IGF2BP2: variants seen among roughly 807,000 people sequenced by gnomAD.
IGF2BP2 encodes insulin-like growth factor 2 mRNA-binding protein 2.
A neutral mutation model predicts 75.8 loss-of-function variants in IGF2BP2; 17 were observed. The observed-to-expected ratio is 0.22, with a 90% CI of 0.15 to 0.34. The LOEUF (loss-of-function observed/expected upper bound fraction) is 0.34. IGF2BP2 is among the 10% of genes least tolerant of loss of function. IGF2BP2 has a pLI of 1.00. For missense variants in IGF2BP2, 516 were observed against 772.4 expected (o/e 0.67, Z 3.93); for synonymous variants, 288 against 295.6 (o/e 0.97, Z 0.26).
At chr3:185,789,539 T>G (rs1736348535) in intron 2 of IGF2BP2, among the ~76,000 whole-genome samples, 1 of 151,796 alleles carries the variant, frequency 6.6e-6, no homozygotes, top group Non-Finnish European at 1.5e-5. Context: ...AACGCAACAC[T>G]AAGAGATAAA....
chr3:185,701,839 G>GA (rs1319711187), intron 2 of IGF2BP2, among the ~76,000 whole-genome samples: 2 of 152,118 alleles, frequency 1.3e-5, no homozygotes, highest in Non-Finnish European at 2.9e-5. Context: ...GGTCATTTGG[G>GA]AGACTATCCT....
chr3:185,770,499 C>T (rs1733734580), intron 2 of IGF2BP2, among the ~76,000 whole-genome samples: 1 of 152,184 alleles, frequency 6.6e-6, no homozygotes, highest in Admixed American at 6.5e-5. Flanking sequence ...ACCCCATAGG[C>T]CTTTATTCCA....
At chr3:185,791,133 G>C (rs1193428545) in intron 2 of IGF2BP2, among the ~76,000 whole-genome samples, 2 of 152,204 alleles carry the variant, frequency 1.3e-5, no homozygotes, top group Non-Finnish European at 2.9e-5. Context: ...CTGTCTAAAG[G>C]GTAGGCACTG....
intron 10 of IGF2BP2, among the ~76,000 whole-genome samples, chr3:185,664,517 G>A: frequency 6.6e-6 from 1 of 152,128 alleles, no homozygotes; most frequent in East Asian, 1.9e-4. Context: ...GAGGGAGAAG[G>A]GAGAGCTTTT....
intron 2 of IGF2BP2, among the ~76,000 whole-genome samples, chr3:185,724,059 A>G (rs1463973288): frequency 6.6e-6 from 1 of 152,244 alleles, no homozygotes; most frequent in East Asian, 1.9e-4. Flanking sequence ...ATGCGGTCAC[A>G]GCAAACACAT....
At chr3:185,814,750 CTA>C (rs1468071584) in intron 2 of IGF2BP2, among the ~76,000 whole-genome samples, 1 of 151,992 alleles carries the variant, frequency 6.6e-6, no homozygotes, top group African/African-American at 2.4e-5. Context: ...ATCTTAAGTC[CTA>C]TGTTACTAAA....
chr3:185,821,123 C>A, intron 2 of IGF2BP2: 1 of 1,505,816 alleles, frequency 6.6e-7, no homozygotes, highest in South Asian at 1.3e-5. Flanking sequence ...GCTATCTCTC[C>A]CTTAGCCTGC....
At chr3:185,677,068 T>TATATAGAGAGAG in intron 7 of IGF2BP2, among the ~76,000 whole-genome samples, 17 of 35,856 alleles carry the variant, frequency 4.7e-4, no homozygotes, top group East Asian at 1.4e-3. Context: ...TATATATATA[T>TATATAGAGAGAG]AGAGAGAGAG....
At chr3:185,681,504 A>C (rs1720382629) in intron 7 of IGF2BP2, among the ~76,000 whole-genome samples, 1 of 152,346 alleles carries the variant, frequency 6.6e-6, no homozygotes, top group Middle Eastern at 3.4e-3. Context: ...AGATGTTTAT[A>C]CTACCGAAAG....
At chr3:185,655,020 C>T (rs1413704954) in intron 12 of IGF2BP2, among the ~76,000 whole-genome samples, 4 of 152,214 alleles carry the variant, frequency 2.6e-5, no homozygotes, top group Non-Finnish European at 5.9e-5. Flanking sequence ...AAAGTAGAAA[C>T]TAGGGGTGGG....
Position 185,692,872 on chromosome 3 carries a change from G to A in IGF2BP2, c.341-110C>T, listed in dbSNP as rs150379516. On this transcript the variant is annotated intron_variant, in intron 4 of 15. Coordinates refer to ENST00000382199, the MANE Select transcript of IGF2BP2 (RefSeq NM_006548.6). ...AAATGCATAAAACCCTCATCACACTGGCTCCACAGTTATCTGCATCTCTAC... is the reference window on the plus strand; with the variant it reads ...AAATGCATAAAACCCTCATCACACTAGCTCCACAGTTATCTGCATCTCTAC... The A allele has an allele frequency of 3.9e-3, 3,295 of 852,362 alleles. 11 individuals are homozygous for A. The highest frequency in any genetic ancestry group is 5.6e-3 in the Non-Finnish European group (2,823 of 507,226). The allele number at this position is 852,362 out of a possible 1,614,324, so 52.8% of individuals were successfully genotyped here.
chr3:185,787,135 G>A (rs1412445235), intron 2 of IGF2BP2, among the ~76,000 whole-genome samples: 1 of 152,104 alleles, frequency 6.6e-6, no homozygotes, highest in Non-Finnish European at 1.5e-5. Flanking sequence ...GCTGGAAGGG[G>A]GGCAATGGCG....
At chr3:185,709,589 AAAG>A (rs560596550) in intron 2 of IGF2BP2, among the ~76,000 whole-genome samples, 93 of 152,368 alleles carry the variant, frequency 6.1e-4, no homozygotes, top group African/African-American at 2.2e-3. Flanking sequence ...TTACTTCTGA[AAAG>A]AAGAAACTAT....
intron 2 of IGF2BP2, among the ~76,000 whole-genome samples, chr3:185,779,019 G>A (rs1038063037): frequency 9.3e-5 from 14 of 150,956 alleles, no homozygotes; most frequent in African/African-American, 3.4e-4. Flanking sequence ...ATCCTCTCTT[G>A]AAAAAGGAAG....
intron 2 of IGF2BP2, among the ~76,000 whole-genome samples, chr3:185,773,945 T>A (rs987276655): frequency 3.9e-5 from 6 of 152,190 alleles, no homozygotes; most frequent in Non-Finnish European, 8.8e-5. Flanking sequence ...TTCGCGGAGA[T>A]CTTCTCACTT....
At position 185,685,614 on chromosome 3, in the gene IGF2BP2, C is replaced by T. The variant is rs1292747753; in HGVS notation, c.812+1443G>A. On this transcript the variant is annotated intron_variant, in intron 7 of 15. Coordinates refer to ENST00000382199, the MANE Select transcript of IGF2BP2 (RefSeq NM_006548.6). ...CACTACTTCTCTATAAAACTGCCAC[C>T]GCTACCCACAAACAGATTTTGCCAA... is the stretch of plus-strand genomic sequence containing the variant. Among the ~76,000 whole-genome samples, 6 of 152,206 alleles carry T rather than the reference C, an allele frequency of 3.9e-5. No individual in the cohort carries two copies. The East Asian group carries it at 7.7e-4, about 20-fold the overall frequency.
intron 2 of IGF2BP2, among the ~76,000 whole-genome samples, chr3:185,817,647 G>A (rs987879680): frequency 2.6e-5 from 4 of 152,184 alleles, no homozygotes; most frequent in African/African-American, 9.7e-5. Context: ...TTGTAAGCAT[G>A]AAGTCAAATT....
chr3:185,783,314 A>G (rs1735446123), intron 2 of IGF2BP2, among the ~76,000 whole-genome samples: 1 of 152,144 alleles, frequency 6.6e-6, no homozygotes, highest in African/African-American at 2.4e-5. Flanking sequence ...CTAACTGCAC[A>G]ATGGCCCTCA....
chr3:185,762,181 A>G (rs1330440654), intron 2 of IGF2BP2, among the ~76,000 whole-genome samples: 1 of 152,036 alleles, frequency 6.6e-6, no homozygotes, highest in Non-Finnish European at 1.5e-5. Flanking sequence ...TGAGGTCAAG[A>G]GTTCGAGAGC....
Sources: allele counts gnomAD v4.1 joint callset (sites outside exome capture counted in the v4.1 genomes callset), GRCh38; gene constraint gnomAD v4.1.1; transcripts MANE v1.5; gene names NCBI Gene and HGNC (gene_info 2026-07-23, HGNC 2026-07-21).